RNGTT: variants seen among roughly 807,000 people sequenced by gnomAD.
RNGTT encodes RNA guanylyltransferase and 5'-phosphatase, also known as mRNA-capping enzyme.
A neutral mutation model predicts 79.3 loss-of-function variants in RNGTT; 33 were observed. The ratio of observed to expected loss-of-function variants is 0.42; its 90% confidence interval spans 0.32 to 0.56. The LOEUF (loss-of-function observed/expected upper bound fraction) is 0.56, where lower values mean the gene tolerates loss of function less well. Among genes scored for constraint, RNGTT ranks in the 20% least tolerant of loss-of-function variants. The pLI is 0.17. For synonymous variants in RNGTT, 222 were observed against 235.9 expected, an observed-to-expected ratio of 0.94 and a Z score of 0.54; for missense variants, 497 against 739.1, an observed-to-expected ratio of 0.67 and a Z score of 3.80.
intron 13 of RNGTT, among the ~76,000 whole-genome samples, chr6:88,756,884 A>T (rs1250373071): frequency 6.6e-6 from 1 of 152,200 alleles, no homozygotes; most frequent in Non-Finnish European, 1.5e-5. Flanking sequence ...CGCTGGATGG[A>T]CAGGTTGGGA....
At chr6:88,648,494 T>A (rs1033510038) in intron 14 of RNGTT, among the ~76,000 whole-genome samples, 7 of 150,598 alleles carry the variant, frequency 4.6e-5, no homozygotes, top group East Asian at 1.9e-4. Flanking sequence ...ATAATAATAA[T>A]AAAAAATTCT....
At chr6:88,868,338 T>G (rs996277491) in intron 8 of RNGTT, among the ~76,000 whole-genome samples, 5 of 152,178 alleles carry the variant, frequency 3.3e-5, no homozygotes, top group Admixed American at 3.3e-4. Context: ...GCTTATGGCT[T>G]AGCAATCATT....
At chr6:88,767,815 G>A (rs1278347399) in intron 13 of RNGTT, among the ~76,000 whole-genome samples, 1 of 151,884 alleles carries the variant, frequency 6.6e-6, no homozygotes, top group Non-Finnish European at 1.5e-5. Context: ...CAACTTGCAT[G>A]ATTAGTGATA....
At chr6:88,932,612 G>T (rs1784545558) in intron 2 of RNGTT, among the ~76,000 whole-genome samples, 1 of 152,038 alleles carries the variant, frequency 6.6e-6, no homozygotes, top group Non-Finnish European at 1.5e-5. Flanking sequence ...TCTCAGACCG[G>T]CCGACATTTA....
rs1582318350 is a variant in RNGTT, at chr6:88,678,398, G to A, written c.1461C>T (p.Gly487=). 4.9e-6 allele frequency: 7 copies of A among 1,438,232 alleles called. No individual in the cohort carries two copies. The highest frequency in any genetic ancestry group is 6.4e-6 in the Non-Finnish European group (7 of 1,085,788). The allele number at this position is 1,438,232 out of a possible 1,614,324, so 89.1% of individuals were successfully genotyped here. A position where few individuals can be genotyped will look rare whatever the true frequency, so the allele number is the denominator to read the frequency against. The change falls in exon 14 of 16, where the codon GGC becomes GGT. Residue 487 remains glycine, a synonymous_variant. Coordinates refer to ENST00000369485, the MANE Select transcript of RNGTT (RefSeq NM_003800.5). ...TTTCATAACCTCCAACATACAGGAGGCCAACATTCTGAGGAAGTAACCTAC... is the reference window on the plus strand; with the variant it reads ...TTTCATAACCTCCAACATACAGGAGACCAACATTCTGAGGAAGTAACCTAC... ...GGEGLLPQNV[G]LLYVGGYERP...
At chr6:88,715,631 G>A (rs570782679) in intron 13 of RNGTT, among the ~76,000 whole-genome samples, 2 of 152,176 alleles carry the variant, frequency 1.3e-5, no homozygotes, top group East Asian at 1.9e-4. Context: ...TAGACCAATG[G>A]AACACAACAG....
chr6:88,831,252 G>A (rs1040941167), intron 11 of RNGTT, among the ~76,000 whole-genome samples: 9 of 152,140 alleles, frequency 5.9e-5, no homozygotes, highest in African/African-American at 1.4e-4. Flanking sequence ...CGATCAAGTC[G>A]GATTAGTCCC....
At chr6:88,844,069 A>G (rs1327887615) in intron 11 of RNGTT, among the ~76,000 whole-genome samples, 1 of 151,900 alleles carries the variant, frequency 6.6e-6, no homozygotes. Context: ...ATACAGTTCT[A>G]TGTTGCTTAT....
At position 88,699,566 on chromosome 6, in the gene RNGTT, C is replaced by A. The variant is rs184793349; in HGVS notation, c.1440-21147G>T. Among the ~76,000 whole-genome samples the A allele has an allele frequency of 1.9e-3, 295 of 152,102 alleles. 4 individuals are homozygous for A. Among genetic ancestry groups the A allele is most frequent in the African/African-American group, 7.0e-3 (289 of 41,492 alleles). On this transcript the variant is annotated intron_variant, in intron 13 of 15. Transcript: ENST00000369485. Reference sequence around the variant, plus strand: ...GGCATGGTGGCACACGCCTGTAGTCCCAGTAAAAGGATCACTTGAGCCTAG... The same window carrying A: ...GGCATGGTGGCACACGCCTGTAGTCACAGTAAAAGGATCACTTGAGCCTAG...
chr6:88,681,362 T>G (rs1324324808), intron 13 of RNGTT, among the ~76,000 whole-genome samples: 1 of 152,186 alleles, frequency 6.6e-6, no homozygotes, highest in Admixed American at 6.5e-5. Flanking sequence ...TATATATGTA[T>G]GTATGTATAT....
At chr6:88,678,286 C>A (rs747054230) in intron 14 of RNGTT, 67 bp downstream of exon 14, 149 of 1,559,580 alleles carry the variant, frequency 9.6e-5, no homozygotes, top group Admixed American at 5.5e-5. Context: ...TTATTATTAG[C>A]AAGGTTTTGA....
intron 12 of RNGTT, among the ~76,000 whole-genome samples, chr6:88,780,303 T>C (rs1198724687): frequency 6.6e-6 from 1 of 152,172 alleles, no homozygotes; most frequent in Non-Finnish European, 1.5e-5. Context: ...AAGCTAACAA[T>C]ATTTATGAAA....
chr6:88,826,041 C>T (rs1478128453), intron 11 of RNGTT, among the ~76,000 whole-genome samples: 2 of 152,164 alleles, frequency 1.3e-5, no homozygotes, highest in African/African-American at 4.8e-5. Context: ...ATATATACTT[C>T]CCCATTTCAC....
intron 12 of RNGTT, among the ~76,000 whole-genome samples, chr6:88,798,849 G>GA (rs1779687370): frequency 6.6e-6 from 1 of 152,122 alleles, no homozygotes; most frequent in South Asian, 2.1e-4. Flanking sequence ...ACTTAATGGA[G>GA]AAAATTTAGT....
In RNGTT at chr6:88,715,611, A is replaced by C. The variant is rs138735683; in HGVS notation, c.1440-37192T>G. 1.7e-3 allele frequency among the ~76,000 whole-genome samples: 265 copies of C among 152,314 alleles called. 2 individuals carry two copies. In the East Asian group the frequency reaches 0.042, roughly 24 times the overall value. ...CAAAACAGCATAGTACTGGTACCAA[A>C]ACAGAGAAATAGACCAATGGAACAC... is the stretch of plus-strand genomic sequence containing the variant. On this transcript the variant is annotated intron_variant, in intron 13 of 15. Coordinates refer to ENST00000369485, the MANE Select transcript of RNGTT (RefSeq NM_003800.5).
chr6:88,954,535 G>A (rs1785362714), intron 1 of RNGTT, among the ~76,000 whole-genome samples: 1 of 152,056 alleles, frequency 6.6e-6, no homozygotes, highest in Non-Finnish European at 1.5e-5. Flanking sequence ...CACAACAATA[G>A]TGGGGGACTT....
intron 8 of RNGTT, among the ~76,000 whole-genome samples, chr6:88,886,193 C>A (rs555216855): frequency 3.3e-5 from 5 of 152,264 alleles, no homozygotes; most frequent in South Asian, 2.1e-4. Flanking sequence ...GTAGTCCCAG[C>A]TGCTCGGGAG....
At chr6:88,807,767 A>C (rs1780006153) in intron 11 of RNGTT, among the ~76,000 whole-genome samples, 1 of 152,170 alleles carries the variant, frequency 6.6e-6, no homozygotes, top group African/African-American at 2.4e-5. Context: ...AAAAACAAAA[A>C]AAAAAATGTA....
At chr6:88,806,943 A>C (rs1562262740) in intron 11 of RNGTT, among the ~76,000 whole-genome samples, 2 of 152,212 alleles carry the variant, frequency 1.3e-5, no homozygotes, top group Non-Finnish European at 2.9e-5. Context: ...TCCTTCAGGG[A>C]CATGGATGGA....
Sources: allele counts gnomAD v4.1 joint callset (sites outside exome capture counted in the v4.1 genomes callset), GRCh38; gene constraint gnomAD v4.1.1; transcripts MANE v1.5; gene names NCBI Gene and HGNC (gene_info 2026-07-23, HGNC 2026-07-21).